The following CORIN variants were observed in gnomAD, a reference collection of about 807,000 sequenced individuals.
CORIN encodes the protein atrial natriuretic peptide-converting enzyme.
A neutral mutation model predicts 125.3 loss-of-function variants in CORIN; 117 were observed. That is an observed-to-expected ratio of 0.93 (90% CI 0.80 to 1.09). The LOEUF (loss-of-function observed/expected upper bound fraction) is 1.09, where lower values mean the gene tolerates loss of function less well. Among genes scored for constraint, CORIN ranks in the 50% least tolerant of loss-of-function variants. The pLI, the probability that CORIN is intolerant of heterozygous loss-of-function variation, is 0.00. For missense variants in CORIN, 1,253 were observed against 1,306.7 expected, an observed-to-expected ratio of 0.96 and a Z score of 0.63; for synonymous variants, 450 against 466.4, an observed-to-expected ratio of 0.96 and a Z score of 0.45.
chr4:47,626,605 T>C lies in CORIN; in HGVS notation c.2199-84A>G, dbSNP rs1487607471. On this transcript the variant is annotated intron_variant, in intron 16 of 21. Transcript: ENST00000273857. The stretch of plus-strand genomic sequence containing the variant: ...TATCATTATTTAGCACTCATTCCCT[T>C]TCAAAAAGAAGCACTAAATCATGTC... 3 of 865,870 alleles carry C rather than the reference T, an allele frequency of 3.5e-6. No homozygotes were observed. In the Admixed American group the frequency reaches 5.3e-5, roughly 15 times the overall value. The allele number at this position is 865,870 out of a possible 1,614,324, so 53.6% of individuals were successfully genotyped here.
intron 9 of CORIN, 76 bp downstream of exon 9, chr4:47,677,862 C>A: frequency 9.3e-7 from 1 of 1,073,310 alleles, no homozygotes; most frequent in Non-Finnish European, 1.4e-6. Context: ...ACTTAAGCAA[C>A]TTCAAATGTG....
intron 1 of CORIN, among the ~76,000 whole-genome samples, chr4:47,829,581 C>T (rs1046519674): frequency 3.3e-5 from 5 of 152,208 alleles, no homozygotes; most frequent in Admixed American, 2.0e-4. Flanking sequence ...TGGCCCAGAA[C>T]TTGCAACTGT....
chr4:47,643,113 G>A, intron 15 of CORIN, 33 bp downstream of exon 15: 1 of 1,613,976 alleles, frequency 6.2e-7, no homozygotes, highest in Non-Finnish European at 8.5e-7. Flanking sequence ...AGGCATGAGA[G>A]AGTACAACAG....
chr4:47,813,109 C>T (rs1034823211), intron 1 of CORIN, among the ~76,000 whole-genome samples: 2 of 152,288 alleles, frequency 1.3e-5, no homozygotes, highest in South Asian at 2.1e-4. Flanking sequence ...GCATAGCAAC[C>T]GCCAAGAACC....
chr4:47,654,419 A>G (rs1380210006), intron 12 of CORIN, among the ~76,000 whole-genome samples: 2 of 152,200 alleles, frequency 1.3e-5, no homozygotes, highest in Admixed American at 1.3e-4. Flanking sequence ...TGAAAAAGGC[A>G]CTGACAAGGG....
chr4:47,642,022 G>T lies in CORIN; in HGVS notation c.2096C>A (p.Ser699Tyr). The T allele has an allele frequency of 6.2e-7, 1 of 1,613,348 alleles. No homozygotes were observed. The highest frequency in any genetic ancestry group is 8.5e-7 in the Non-Finnish European group (1 of 1,179,536). ...CVTLSINVNS[S>Y]SFLMVHRAAT... ...AGCTCTGTGAACCATCAGAAAGGAA[G>T]AGGAGTTCACATTTATAGAGAGGGT... Residue 699 changes from serine (S) to tyrosine (Y), a missense_variant, in exon 16 of 22, where the codon TCT becomes TAT. Coordinates refer to ENST00000273857, the MANE Select transcript of CORIN (RefSeq NM_006587.4).
intron 16 of CORIN, among the ~76,000 whole-genome samples, chr4:47,638,362 G>A (rs1206279137): frequency 6.6e-6 from 1 of 152,150 alleles, no homozygotes; most frequent in Non-Finnish European, 1.5e-5. Context: ...TGAAATGTGA[G>A]GACATGAGAT....
At chr4:47,643,022 A>G (rs1371816503) in intron 15 of CORIN, 124 bp downstream of exon 15, 1 of 1,549,202 alleles carries the variant, frequency 6.5e-7, no homozygotes, top group Admixed American at 1.9e-5. Flanking sequence ...ATCAGCTTTT[A>G]TAACAGTAAA....
chr4:47,760,177 T>C (rs1729380678), intron 4 of CORIN, among the ~76,000 whole-genome samples: 1 of 152,212 alleles, frequency 6.6e-6, no homozygotes, highest in South Asian at 2.1e-4. Flanking sequence ...ATTCCCTGAT[T>C]AATGGGCTGC....
At chr4:47,745,523 T>C (rs182565272) in intron 4 of CORIN, among the ~76,000 whole-genome samples, 2 of 152,360 alleles carry the variant, frequency 1.3e-5, no homozygotes, top group Admixed American at 6.5e-5. Context: ...AACAATACCT[T>C]ATTCAAATCC....
intron 12 of CORIN, among the ~76,000 whole-genome samples, chr4:47,656,970 C>CATTTCT (rs1724012908): frequency 6.6e-6 from 1 of 152,130 alleles, no homozygotes. Flanking sequence ...AAATTAGTAG[C>CATTTCT]ATTTCTATAT....
Position 47,812,427 on chromosome 4 carries a change from C to T in CORIN, c.64-5380G>A, listed in dbSNP as rs567366640. On this transcript the variant is annotated intron_variant, in intron 1 of 21. Coordinates refer to ENST00000273857, the MANE Select transcript of CORIN (RefSeq NM_006587.4). ...AGCTGAGGTGGGAGGACTGCTTGAACCCATGAGACTGAGGTTGCAGTGAGC... is the reference window on the plus strand; with the variant it reads ...AGCTGAGGTGGGAGGACTGCTTGAATCCATGAGACTGAGGTTGCAGTGAGC... Among the ~76,000 whole-genome samples the T allele has an allele frequency of 2.6e-5, 4 of 152,254 alleles. No homozygotes were observed. The South Asian group carries it at 8.3e-4, about 32-fold the overall frequency.
At chr4:47,619,146 C>T (rs1002899447) in intron 19 of CORIN, among the ~76,000 whole-genome samples, 1 of 152,170 alleles carries the variant, frequency 6.6e-6, no homozygotes, top group African/African-American at 2.4e-5. Context: ...AAGTCAAAAC[C>T]ATTCTTCCTT....
At chr4:47,728,635 T>G (rs1727711965) in intron 5 of CORIN, among the ~76,000 whole-genome samples, 1 of 152,198 alleles carries the variant, frequency 6.6e-6, no homozygotes, top group African/African-American at 2.4e-5. Flanking sequence ...TTAAATAATA[T>G]CAGACTTTTG....
chr4:47,761,362 T>C (rs1211062487), intron 4 of CORIN, among the ~76,000 whole-genome samples: 1 of 152,142 alleles, frequency 6.6e-6, no homozygotes, highest in Non-Finnish European at 1.5e-5. Context: ...ATTTGAATAT[T>C]ACTGTGTCTC....
At chr4:47,669,752 G>A (rs769323205) in intron 10 of CORIN, among the ~76,000 whole-genome samples, 2 of 151,986 alleles carry the variant, frequency 1.3e-5, no homozygotes, top group African/African-American at 4.8e-5. Flanking sequence ...TGTATTTTTA[G>A]TAGAGATGGG....
intron 16 of CORIN, among the ~76,000 whole-genome samples, chr4:47,626,754 C>T (rs570945444): frequency 6.6e-5 from 10 of 152,018 alleles, no homozygotes; most frequent in Non-Finnish European, 1.3e-4. Context: ...TACAAAAGTT[C>T]CAACAGGTAA....
intron 16 of CORIN, among the ~76,000 whole-genome samples, chr4:47,628,541 A>G (rs750655776): frequency 1.3e-5 from 2 of 151,938 alleles, no homozygotes; most frequent in African/African-American, 2.4e-5. Flanking sequence ...AACTATAGTC[A>G]CCATGTTGTA....
At chr4:47,832,473 CT>C (rs1274780881) in intron 1 of CORIN, among the ~76,000 whole-genome samples, 1 of 120,324 alleles carries the variant, frequency 8.3e-6, no homozygotes, top group African/African-American at 3.2e-5. Flanking sequence ...GAGATGGAGT[CT>C]CGCTCTATCA....
Sources: gnomAD v4.1 joint callset for allele counts (sites outside exome capture counted in the v4.1 genomes callset) on GRCh38, gnomAD v4.1.1 for gene constraint, MANE v1.5 for transcripts, NCBI Gene and HGNC (gene_info 2026-07-23, HGNC 2026-07-21) for gene names.